Variants in SDK1 observed in about 807,000 individuals in gnomAD.
SDK1 encodes sidekick cell adhesion molecule 1.
Under a neutral mutation model 245.5 loss-of-function variants are expected in SDK1, and 157 were observed. That is an observed-to-expected ratio of 0.64 (90% CI 0.56 to 0.73). The LOEUF (loss-of-function observed/expected upper bound fraction) is 0.73, where lower values mean the gene tolerates loss of function less well. SDK1 is among the 30% of genes least tolerant of loss of function. SDK1 has a pLI of 0.00. For missense variants in SDK1, 3,583 were observed against 3,002.3 expected, an observed-to-expected ratio of 1.19 and a Z score of -4.52; for synonymous variants, 1,647 against 1,278.5, an observed-to-expected ratio of 1.29 and a Z score of -6.15.
chr7:3,332,933 A>G (rs1780105649), intron 1 of SDK1, among the ~76,000 whole-genome samples: 1 of 152,234 alleles, frequency 6.6e-6, no homozygotes, highest in African/African-American at 2.4e-5. Flanking sequence ...ACCACTGATT[A>G]GAATTGAAGG....
intron 5 of SDK1, among the ~76,000 whole-genome samples, chr7:3,879,034 T>C (rs894513365): frequency 2.0e-5 from 3 of 152,332 alleles, no homozygotes; most frequent in African/African-American, 4.8e-5. Flanking sequence ...ACAACTTCTA[T>C]ATCCGACAGT....
intron 20 of SDK1, among the ~76,000 whole-genome samples, chr7:4,071,594 C>T (rs1780261051): frequency 6.6e-6 from 1 of 152,190 alleles, no homozygotes; most frequent in Non-Finnish European, 1.5e-5. Context: ...CTATAGACTG[C>T]AGGAACCTAG....
At chr7:3,442,613 A>G (rs1780226972) in intron 1 of SDK1, among the ~76,000 whole-genome samples, 1 of 152,230 alleles carries the variant, frequency 6.6e-6, no homozygotes, top group Non-Finnish European at 1.5e-5. Flanking sequence ...TTTCAAATTT[A>G]GGGATTCACT....
chr7:3,458,379 G>A (rs563389453), intron 1 of SDK1, among the ~76,000 whole-genome samples: 2 of 152,210 alleles, frequency 1.3e-5, no homozygotes, highest in African/African-American at 4.8e-5. Flanking sequence ...TGTTTCCATA[G>A]AGTAGGTCCA....
At chr7:3,691,081 C>T (rs572818872) in intron 4 of SDK1, among the ~76,000 whole-genome samples, 2 of 152,306 alleles carry the variant, frequency 1.3e-5, no homozygotes, top group Non-Finnish European at 1.5e-5. Flanking sequence ...ACTCATTTCT[C>T]ATTTTCTTAT....
rs148866151 is a variant in SDK1, at chr7:3,978,336, A to G, written c.1994+3791A>G. On this transcript the variant is annotated intron_variant, in intron 13 of 44. Coordinates refer to ENST00000404826, the MANE Select transcript of SDK1 (RefSeq NM_152744.4). ...TACTGATTTACATGTCTTCCCTACTATTTGCTTATTTGATTTCCTCTAAGT... is the reference window on the plus strand; with the variant it reads ...TACTGATTTACATGTCTTCCCTACTGTTTGCTTATTTGATTTCCTCTAAGT... 2.5e-3 allele frequency among the ~76,000 whole-genome samples: 384 copies of G among 152,212 alleles called. 2 individuals carry two copies. Among genetic ancestry groups the G allele is most frequent in the African/African-American group, 8.7e-3 (362 of 41,522 alleles).
chr7:3,369,152 G>A (rs534244541), intron 1 of SDK1, among the ~76,000 whole-genome samples: 5 of 151,928 alleles, frequency 3.3e-5, no homozygotes, highest in Admixed American at 2.6e-4. Flanking sequence ...TCAAGCAATT[G>A]TCATGCCTCA....
intron 4 of SDK1, among the ~76,000 whole-genome samples, chr7:3,644,802 A>AAAAAAAAACAG (rs1297841435): frequency 7.5e-6 from 1 of 133,060 alleles, no homozygotes; most frequent in Non-Finnish European, 1.6e-5. Flanking sequence ...ACAAAAAACA[A>AAAAAAAAACAG]CAACAACGGC....
intron 5 of SDK1, among the ~76,000 whole-genome samples, chr7:3,830,578 C>G (rs535352020): frequency 2.6e-5 from 4 of 152,258 alleles, no homozygotes; most frequent in East Asian, 3.9e-4. Context: ...TCACCACAGT[C>G]TCAACCTCCT....
chr7:4,174,920 G>A (rs1782097789), intron 33 of SDK1, among the ~76,000 whole-genome samples: 1 of 152,202 alleles, frequency 6.6e-6, no homozygotes, highest in Non-Finnish European at 1.5e-5. Context: ...GGAGGTTAGA[G>A]GGGGTTCATT....
At chr7:3,516,113 A>ATT (rs1477665431) in intron 1 of SDK1, among the ~76,000 whole-genome samples, 1 of 120,454 alleles carries the variant, frequency 8.3e-6, no homozygotes, top group African/African-American at 3.4e-5. Context: ...TTCAGAAGAT[A>ATT]TTTTCTTTTT....
chr7:4,076,693 C>T (rs1405749250), intron 20 of SDK1, among the ~76,000 whole-genome samples: 1 of 152,206 alleles, frequency 6.6e-6, no homozygotes, highest in Non-Finnish European at 1.5e-5. Flanking sequence ...GTTCACGCAC[C>T]TGGTGCTGAG....
chr7:3,615,298 C>G lies in SDK1; in HGVS notation c.299-3782C>G, dbSNP rs114798128. Among the ~76,000 whole-genome samples the G allele has an allele frequency of 2.7e-3, 412 of 151,666 alleles. 7 individuals are homozygous for G. Among genetic ancestry groups the G allele is most frequent in the African/African-American group, 9.4e-3 (392 of 41,484 alleles). Reference sequence around the variant, plus strand: ...TCCATTGCAGTTCAGCTTTATTAGACTGTTTGGGTAATAAGAGGAGATGAT... The same window carrying G: ...TCCATTGCAGTTCAGCTTTATTAGAGTGTTTGGGTAATAAGAGGAGATGAT... On this transcript the variant is annotated intron_variant, in intron 1 of 44. Coordinates refer to ENST00000404826, the MANE Select transcript of SDK1 (RefSeq NM_152744.4).
chr7:4,106,647 C>CTG (rs1782934078), intron 22 of SDK1, among the ~76,000 whole-genome samples: 2 of 152,212 alleles, frequency 1.3e-5, no homozygotes, highest in South Asian at 4.1e-4. Flanking sequence ...GCAGAGGGAG[C>CTG]CGCACGCCCG....
chr7:4,045,952 C>CT (rs956561913), intron 17 of SDK1, among the ~76,000 whole-genome samples: 109 of 150,808 alleles, frequency 7.2e-4, no homozygotes, highest in South Asian at 2.7e-3. Flanking sequence ...GGTTTTTGTT[C>CT]TTTTTTTTTG....
intron 1 of SDK1, among the ~76,000 whole-genome samples, chr7:3,379,169 T>TC (rs1781424086): frequency 6.6e-6 from 1 of 152,154 alleles, no homozygotes; most frequent in South Asian, 2.1e-4. Flanking sequence ...TTTAATCTGT[T>TC]CCACAACTCT....
rs528688689 is a variant in SDK1 at position 3,595,704 on chromosome 7, C to A, written c.299-23376C>A. Among the ~76,000 whole-genome samples the A allele has an allele frequency of 1.3e-4, 20 of 151,750 alleles. 1 individual carries two copies. Among genetic ancestry groups the A allele is most frequent in the Admixed American group, 2.6e-4 (4 of 15,212 alleles). The stretch of plus-strand genomic sequence containing the variant: ...TTTGAACTAGTCAAAGTTACCAGTT[C>A]AAAGTTAGACTTTGAACGAGTCTAA... On this transcript the variant is annotated intron_variant, in intron 1 of 44. Coordinates refer to ENST00000404826, the MANE Select transcript of SDK1 (RefSeq NM_152744.4).
At chr7:3,342,742 G>C (rs1780381904) in intron 1 of SDK1, among the ~76,000 whole-genome samples, 1 of 152,094 alleles carries the variant, frequency 6.6e-6, no homozygotes. Flanking sequence ...TTAAGAGGAT[G>C]GAAAGACAAG....
intron 9 of SDK1, among the ~76,000 whole-genome samples, 179 bp from the exon 10 acceptor site, chr7:3,967,139 C>A (rs540726463): frequency 6.6e-6 from 1 of 152,192 alleles, no homozygotes; most frequent in African/African-American, 2.4e-5. Flanking sequence ...AAACAAAGAT[C>A]GGTAACTCCT....
Sources: allele counts gnomAD v4.1 joint callset (sites outside exome capture counted in the v4.1 genomes callset), GRCh38; gene constraint gnomAD v4.1.1; transcripts MANE v1.5; gene names NCBI Gene and HGNC (gene_info 2026-07-23, HGNC 2026-07-21).